DNAH9: variants seen among roughly 807,000 people sequenced by gnomAD.
DNAH9 encodes the protein DNAH9 variant protein.
Under a neutral mutation model 471.6 loss-of-function variants are expected in DNAH9, and 345 were observed. That is an observed-to-expected ratio of 0.73 (90% confidence interval 0.67 to 0.80). The LOEUF is 0.80. DNAH9 is among the 30% of genes least tolerant of loss of function. The pLI, the probability that DNAH9 is intolerant of heterozygous loss-of-function variation, is 0.00. For missense variants in DNAH9, 5,407 were observed against 5,609.2 expected, an observed-to-expected ratio of 0.96 and a Z score of 1.15; for synonymous variants, 2,093 against 2,123.6, an observed-to-expected ratio of 0.99 and a Z score of 0.40.
At chr17:11,857,278 G>A (rs1027247599) in intron 50 of DNAH9, among the ~76,000 whole-genome samples, 3 of 152,112 alleles carry the variant, frequency 2.0e-5, no homozygotes, top group Admixed American at 6.6e-5. Flanking sequence ...CCTTTGGAAG[G>A]CACTTCTTTT....
At chr17:11,770,314 G>A (rs1321596036) in intron 38 of DNAH9, among the ~76,000 whole-genome samples, 1 of 152,202 alleles carries the variant, frequency 6.6e-6, no homozygotes, top group Non-Finnish European at 1.5e-5. Context: ...CCTGCCTGGT[G>A]TAAACCAGAG....
At chr17:11,700,205 A>G (rs2074566168) in intron 23 of DNAH9, among the ~76,000 whole-genome samples, 1 of 152,192 alleles carries the variant, frequency 6.6e-6, no homozygotes, top group South Asian at 2.1e-4. Flanking sequence ...GCACCAGGAG[A>G]CGTCAACATG....
chr17:11,739,279 T>C (rs890142057), intron 29 of DNAH9, among the ~76,000 whole-genome samples: 5 of 152,224 alleles, frequency 3.3e-5, no homozygotes, highest in Non-Finnish European at 7.3e-5. Context: ...GTCTACATAG[T>C]TTCGTGTTGT....
chr17:11,852,043 C>T (rs1205601150), intron 49 of DNAH9, among the ~76,000 whole-genome samples: 1 of 152,152 alleles, frequency 6.6e-6, no homozygotes, highest in Non-Finnish European at 1.5e-5. Context: ...GCTGGTATCC[C>T]TCTCACACCT....
At chr17:11,708,666 C>G (rs1337281341) in intron 26 of DNAH9, among the ~76,000 whole-genome samples, 1 of 152,140 alleles carries the variant, frequency 6.6e-6, no homozygotes, top group Non-Finnish European at 1.5e-5. Context: ...GGGCCATTCT[C>G]AGTCATTAGC....
At chr17:11,881,533 T>A in intron 55 of DNAH9, 120 bp downstream of exon 55, 1 of 986,974 alleles carries the variant, frequency 1.0e-6, no homozygotes, top group Non-Finnish European at 1.5e-6. Flanking sequence ...TGCTAGACTC[T>A]GGAAGACTGC....
intron 50 of DNAH9, 69 bp from the exon 51 acceptor site, chr17:11,869,064 CT>C (rs1385235937): frequency 6.4e-7 from 1 of 1,564,058 alleles, no homozygotes; most frequent in Non-Finnish European, 8.7e-7. Context: ...CATGTGAACC[CT>C]CATCTAATGA....
At chr17:11,661,935 T>C (rs1465909865) in intron 14 of DNAH9, among the ~76,000 whole-genome samples, 1 of 152,168 alleles carries the variant, frequency 6.6e-6, no homozygotes, top group Non-Finnish European at 1.5e-5. Flanking sequence ...AGATATAAAT[T>C]ACCATCTGGG....
chr17:11,804,924 G>A (rs1445566374), intron 43 of DNAH9, among the ~76,000 whole-genome samples: 1 of 151,476 alleles, frequency 6.6e-6, no homozygotes, highest in East Asian at 1.9e-4. Flanking sequence ...GCATGCAAAT[G>A]TAATCTCCGC....
chr17:11,608,622 G>C (rs2072559882), intron 2 of DNAH9, among the ~76,000 whole-genome samples: 1 of 152,090 alleles, frequency 6.6e-6, no homozygotes. Flanking sequence ...TCCGTATTTT[G>C]CTTATCAGGA....
At chr17:11,680,655 C>A in intron 18 of DNAH9, 68 bp from the exon 19 acceptor site, 2 of 1,394,958 alleles carry the variant, frequency 1.4e-6, no homozygotes, top group Non-Finnish European at 1.0e-6. Flanking sequence ...TGGGCTCTGT[C>A]CAGCTCAGGA....
At chr17:11,748,771 A>T (rs1967012832) in intron 32 of DNAH9, among the ~76,000 whole-genome samples, 1 of 152,176 alleles carries the variant, frequency 6.6e-6, no homozygotes, top group Non-Finnish European at 1.5e-5. Flanking sequence ...GGGGAAAAAA[A>T]GAGGTCCTTG....
chr17:11,652,359 C>T (rs1317742218), intron 13 of DNAH9, among the ~76,000 whole-genome samples: 2 of 140,814 alleles, frequency 1.4e-5, no homozygotes, highest in African/African-American at 5.3e-5. Context: ...AATCTCGGCT[C>T]ACTGCAAGCT....
At chr17:11,817,442 G>A (rs932622152) in intron 45 of DNAH9, among the ~76,000 whole-genome samples, 15 of 152,156 alleles carry the variant, frequency 9.9e-5, no homozygotes, top group African/African-American at 3.6e-4. Flanking sequence ...AATAAACCAG[G>A]GTCATCAAGT....
In DNAH9 at chr17:11,880,207, C is replaced by G; in HGVS notation, c.10601+7C>G. On this transcript the variant is annotated splice_region_variant and intron_variant, in intron 54 of 68. Transcript: ENST00000262442. ...AAGTCATTAAAAAAGGACGGTAAGA[C>G]TCAGCTGTGTTGCTGACCCTTCGGG... The G allele has an allele frequency of 6.2e-7, 1 of 1,612,750 alleles. No individual in the cohort carries two copies. The highest frequency in any genetic ancestry group is 8.5e-7 in the Non-Finnish European group (1 of 1,179,444).
rs1436122592 is a variant in DNAH9 at position 11,598,834 on chromosome 17, G to A, written c.336G>A (p.Gly112=). ...FFLRTGPEPP[G]PDSFRGAVVC... Reference sequence around the variant, plus strand: ...TTCGCACCGGGCCCGAGCCTCCAGGGCCCGACAGCTTCCGCGGCGCAGTGG... The same window carrying A: ...TTCGCACCGGGCCCGAGCCTCCAGGACCCGACAGCTTCCGCGGCGCAGTGG... The change falls in exon 1 of 69, where the codon GGG becomes GGA. Residue 112 remains glycine (G), a synonymous_variant. Coordinates refer to ENST00000262442, the MANE Select transcript of DNAH9 (RefSeq NM_001372.4). The A allele has an allele frequency of 6.6e-7, 1 of 1,516,634 alleles. No homozygotes were observed. The highest frequency in any genetic ancestry group is 2.7e-5 in the East Asian group (1 of 37,462). 93.9% of individuals were successfully genotyped at this position (1,516,634 alleles called of 1,614,324 possible). A position where few individuals can be genotyped will look rare whatever the true frequency, so the allele number is the denominator to read the frequency against.
intron 34 of DNAH9, 150 bp downstream of exon 34, chr17:11,756,826 A>G: frequency 3.2e-6 from 2 of 630,266 alleles, no homozygotes; most frequent in South Asian, 1.9e-5. Context: ...TGTTGTGGTA[A>G]TAAGAAGGGA....
chr17:11,678,461 T>G (rs546007276), intron 17 of DNAH9, among the ~76,000 whole-genome samples: 19 of 152,360 alleles, frequency 1.2e-4, no homozygotes, highest in African/African-American at 4.3e-4. Context: ...CATTTTGCCC[T>G]TGTTCTTTAA....
chr17:11,689,102 A>T (rs1182125166), intron 19 of DNAH9, among the ~76,000 whole-genome samples: 1 of 151,554 alleles, frequency 6.6e-6, no homozygotes, highest in Non-Finnish European at 1.5e-5. Flanking sequence ...CTCAAAAAAA[A>T]AATAAAAATA....
Sources: allele counts gnomAD v4.1 joint callset (sites outside exome capture counted in the v4.1 genomes callset), GRCh38; gene constraint gnomAD v4.1.1; transcripts MANE v1.5; gene names NCBI Gene and HGNC (gene_info 2026-07-23, HGNC 2026-07-21).